IL23R: variants seen among roughly 807,000 people sequenced by gnomAD.
IL23R encodes the protein interleukin 23 receptor, also known as interleukin-23 receptor.
Under a neutral mutation model 56.9 loss-of-function variants are expected in IL23R, and 34 were observed. The observed-to-expected ratio is 0.60, with a 90% CI of 0.45 to 0.80. The LOEUF is 0.80. Ranked by LOEUF, IL23R falls within the 30% of genes least tolerant of loss-of-function variation. The pLI, the probability that IL23R is intolerant of heterozygous loss-of-function variation, is 0.00. For synonymous variants in IL23R, 230 were observed against 249.2 expected, an observed-to-expected ratio of 0.92 and a Z score of 0.73; for missense variants, 635 against 730.0, an observed-to-expected ratio of 0.87 and a Z score of 1.50.
At chr1:67,179,378 C>G (rs1244708015) in intron 3 of IL23R, among the ~76,000 whole-genome samples, 1 of 152,174 alleles carries the variant, frequency 6.6e-6, no homozygotes, top group African/African-American at 2.4e-5. Flanking sequence ...TTATCCATTT[C>G]TTCTAGACTT....
intron 9 of IL23R, among the ~76,000 whole-genome samples, chr1:67,252,585 G>GT (rs1652697154): frequency 6.6e-6 from 1 of 152,146 alleles, no homozygotes; most frequent in South Asian, 2.1e-4. Context: ...AAGGACACAA[G>GT]TAGGTCCAAC....
intron 4 of IL23R, among the ~76,000 whole-genome samples, chr1:67,186,626 A>C (rs116838687): frequency 6.6e-6 from 1 of 152,124 alleles, no homozygotes; most frequent in Non-Finnish European, 1.5e-5. Context: ...CATTTAGTAT[A>C]ATGTCTTCAA....
intron 9 of IL23R, among the ~76,000 whole-genome samples, chr1:67,246,464 C>T (rs1354505726): frequency 2.0e-5 from 3 of 152,276 alleles, no homozygotes; most frequent in South Asian, 4.1e-4. Flanking sequence ...TATAAATTTC[C>T]TTCTACACAC....
chr1:67,163,493 AAAAAAGAC>A (rs1646841888), upstream of IL23R, among the ~76,000 whole-genome samples: 1 of 150,436 alleles, frequency 6.6e-6, no homozygotes, highest in Non-Finnish European at 1.5e-5. Context: ...AAAAAAAAAA[AAAAAAGAC>A]AGAAAAGAAA....
intron 9 of IL23R, among the ~76,000 whole-genome samples, chr1:67,247,546 C>T (rs1419539465): frequency 3.3e-5 from 5 of 152,224 alleles, no homozygotes; most frequent in South Asian, 2.1e-4. Flanking sequence ...TCAGGTGATC[C>T]GCCCACCTTG....
chr1:67,198,231 G>A (rs1478406832), intron 4 of IL23R, among the ~76,000 whole-genome samples: 1 of 152,198 alleles, frequency 6.6e-6, no homozygotes, highest in Non-Finnish European at 1.5e-5. Flanking sequence ...TGGAGAGGAT[G>A]AGGGTGGAAA....
At chr1:67,158,462 T>A (rs1646789143) in intron 1 of IL23R, among the ~76,000 whole-genome samples, 1 of 152,168 alleles carries the variant, frequency 6.6e-6, no homozygotes, top group African/African-American at 2.4e-5. Context: ...AGTTTTGAAC[T>A]TATATTTATA....
At chr1:67,241,432 GT>G (rs1651845859) in intron 9 of IL23R, among the ~76,000 whole-genome samples, 1 of 152,172 alleles carries the variant, frequency 6.6e-6, no homozygotes. Flanking sequence ...GGTTTGGTCT[GT>G]TGGAGTCTAG....
At chr1:67,168,054 A>G (rs1343543330) in intron 1 of IL23R, 38 bp from the exon 2 acceptor site, 10 of 1,122,534 alleles carry the variant, frequency 8.9e-6, no homozygotes, top group Non-Finnish European at 1.4e-5. Flanking sequence ...TTTTACTAAA[A>G]TACTACAATT....
intron 4 of IL23R, among the ~76,000 whole-genome samples, chr1:67,190,593 A>C (rs1405406569): frequency 6.6e-6 from 1 of 152,212 alleles, no homozygotes; most frequent in Non-Finnish European, 1.5e-5. Context: ...TATTTGTTGA[A>C]TAAAAATGCA....
rs78531892 is a variant in IL23R at position 67,221,336 on chromosome 1, G to A, written c.955+1606G>A. Reference sequence around the variant, plus strand: ...ACTCCATCTCAGAAAATTTTATTAAGAACATATTCTCCTAAAAGAGACACA... The same window carrying A: ...ACTCCATCTCAGAAAATTTTATTAAAAACATATTCTCCTAAAAGAGACACA... On this transcript the variant is annotated intron_variant, in intron 7 of 10. Transcript: ENST00000347310. Among the ~76,000 whole-genome samples, 1,097 of 152,146 alleles carry A rather than the reference G, an allele frequency of 7.2e-3. 9 individuals carry two copies. The highest frequency in any genetic ancestry group is 0.012 in the South Asian group (57 of 4,816).
chr1:67,253,589 T>C (rs149067986), intron 9 of IL23R, among the ~76,000 whole-genome samples: 2 of 152,330 alleles, frequency 1.3e-5, no homozygotes, highest in East Asian at 3.9e-4. Flanking sequence ...CTACATAGGT[T>C]TTTTGCTCAG....
intron 1 of IL23R, among the ~76,000 whole-genome samples, chr1:67,159,643 C>T (rs1646800674): frequency 6.6e-6 from 1 of 152,074 alleles, no homozygotes; most frequent in Non-Finnish European, 1.5e-5. Flanking sequence ...TGCTTGTGGT[C>T]CCTACTTGGG....
intron 2 of IL23R, among the ~76,000 whole-genome samples, chr1:67,169,128 G>A (rs1177657772): frequency 2.0e-5 from 2 of 101,016 alleles, no homozygotes; most frequent in Non-Finnish European, 3.6e-5. Flanking sequence ...GTGACAGAAT[G>A]AGACTGTCTC....
chr1:67,224,404 C>T (rs919138215), intron 7 of IL23R, among the ~76,000 whole-genome samples: 4 of 152,210 alleles, frequency 2.6e-5, no homozygotes, highest in African/African-American at 9.7e-5. Flanking sequence ...AATGCCTCTT[C>T]CAAGCAGGAC....
At chr1:67,234,364 A>G (rs1424460050) in intron 7 of IL23R, among the ~76,000 whole-genome samples, 2 of 152,256 alleles carry the variant, frequency 1.3e-5, no homozygotes, top group East Asian at 3.9e-4. Flanking sequence ...AATTTAATGC[A>G]CCTGTTTGAT....
At chr1:67,237,529 C>T (rs1651563961) in intron 8 of IL23R, among the ~76,000 whole-genome samples, 1 of 152,206 alleles carries the variant, frequency 6.6e-6, no homozygotes, top group Non-Finnish European at 1.5e-5. Context: ...GGAAACTTTT[C>T]AAGGTCATAG....
At chr1:67,256,105 C>A (rs752873708) in intron 10 of IL23R, among the ~76,000 whole-genome samples, 178 bp downstream of exon 10, 41 of 152,050 alleles carry the variant, frequency 2.7e-4, no homozygotes, top group Non-Finnish European at 5.6e-4. Context: ...AGAGATGAGA[C>A]AATAGAGTTG....
At chr1:67,150,614 T>C (rs1289226772) in intron 1 of IL23R, among the ~76,000 whole-genome samples, 1 of 145,020 alleles carries the variant, frequency 6.9e-6, no homozygotes, top group Non-Finnish European at 1.5e-5. Flanking sequence ...TTTTCTTTTA[T>C]GGCTGCACGT....
Sources: allele counts gnomAD v4.1 joint callset (sites outside exome capture counted in the v4.1 genomes callset), GRCh38; gene constraint gnomAD v4.1.1; transcripts MANE v1.5; gene names NCBI Gene and HGNC (gene_info 2026-07-23, HGNC 2026-07-21).